Variants in RAD54L2 observed in about 807,000 individuals in gnomAD.
RAD54L2 encodes the protein RAD54 like 2, also known as helicase ARIP4.
A neutral mutation model predicts 138.4 loss-of-function variants in RAD54L2; 27 were observed. The ratio of observed to expected loss-of-function variants is 0.20; its 90% CI spans 0.14 to 0.27. The LOEUF (loss-of-function observed/expected upper bound fraction) is 0.27. Ranked by LOEUF, RAD54L2 falls within the 10% of genes least tolerant of loss-of-function variation. The pLI is 1.00. For synonymous variants in RAD54L2, 644 were observed against 723.2 expected (o/e 0.89, Z 1.76); for missense variants, 1,396 against 1,890.2 (o/e 0.74, Z 4.85).
intron 12 of RAD54L2, chr3:51,639,186 C>A: frequency 1.8e-6 from 1 of 543,650 alleles, no homozygotes; most frequent in Admixed American, 3.3e-5. Context: ...AACATACTTA[C>A]TGGCATGGCT....
At chr3:51,630,622 T>C (rs1226656972) in intron 6 of RAD54L2, 83 bp from the exon 7 acceptor site, 1 of 1,189,608 alleles carries the variant, frequency 8.4e-7, no homozygotes, top group African/African-American at 1.5e-5. Context: ...ACTTTAAGTT[T>C]CTGTAGTCTT....
intron 2 of RAD54L2, among the ~76,000 whole-genome samples, chr3:51,574,330 G>A (rs76931272): frequency 0.068 from 10,300 of 152,202 alleles, 905 homozygotes; most frequent in East Asian, 0.33. Context: ...CTTTATAGAA[G>A]CATGATTTAT....
chr3:51,583,189 G>A (rs1699645142), intron 2 of RAD54L2, among the ~76,000 whole-genome samples: 1 of 152,148 alleles, frequency 6.6e-6, no homozygotes, highest in Non-Finnish European at 1.5e-5. Context: ...TTGAAAATTT[G>A]AAGATGTCTG....
chr3:51,619,796 A>G (rs939111655), intron 3 of RAD54L2, among the ~76,000 whole-genome samples: 1 of 152,180 alleles, frequency 6.6e-6, no homozygotes, highest in African/African-American at 2.4e-5. Context: ...TGGCAGTCTA[A>G]CAGCTTAGTC....
chr3:51,606,420 G>C (rs1310069222), intron 3 of RAD54L2, among the ~76,000 whole-genome samples: 1 of 152,144 alleles, frequency 6.6e-6, no homozygotes, highest in East Asian at 1.9e-4. Flanking sequence ...CAGAATCCGT[G>C]ATGGACATGA....
intron 3 of RAD54L2, among the ~76,000 whole-genome samples, chr3:51,622,831 G>A: frequency 6.6e-6 from 1 of 152,214 alleles, no homozygotes; most frequent in East Asian, 1.9e-4. Flanking sequence ...CAGGAAAGTG[G>A]TTGTTGGGTT....
chr3:51,652,129 C>A (rs1701455197), intron 19 of RAD54L2, among the ~76,000 whole-genome samples: 1 of 152,134 alleles, frequency 6.6e-6, no homozygotes, highest in African/African-American at 2.4e-5. Flanking sequence ...CACAAGCATT[C>A]CTATACACCA....
chr3:51,573,831 G>T (rs1432191554), intron 2 of RAD54L2, among the ~76,000 whole-genome samples: 1 of 152,054 alleles, frequency 6.6e-6, no homozygotes, highest in Non-Finnish European at 1.5e-5. Flanking sequence ...TTGTCTTTTA[G>T]AAAGTTATTT....
intron 2 of RAD54L2, among the ~76,000 whole-genome samples, chr3:51,561,593 A>C (rs1577389272): frequency 1.4e-5 from 2 of 142,952 alleles, no homozygotes; most frequent in African/African-American, 2.6e-5. Flanking sequence ...ACAGAGTCTC[A>C]CTCTTTTGCC....
rs112825958 is a variant in RAD54L2 at position 51,662,198 on chromosome 3, G to A, written c.3410-228G>A. Among the ~76,000 whole-genome samples, 941 of 152,186 alleles carry A rather than the reference G, an allele frequency of 6.2e-3. 7 individuals are homozygous for A. Among genetic ancestry groups the A allele is most frequent in the African/African-American group, 0.021 (886 of 41,512 alleles). On this transcript the variant is annotated intron_variant, in intron 22 of 22. Coordinates refer to ENST00000684192, the MANE Select transcript of RAD54L2 (RefSeq NM_015106.4). This position sits in a 1 kb window ranked among gnomAD's most constrained non-coding sequence, Gnocchi z 4.6. ...ATTTTGGTATAGTTTTACAGTTTGG[G>A]GAACTGGGGTGCAGAAAAGTTACAT...
chr3:51,610,110 T>G (rs1700295297), intron 3 of RAD54L2, among the ~76,000 whole-genome samples: 1 of 151,946 alleles, frequency 6.6e-6, no homozygotes, highest in Admixed American at 6.6e-5. Flanking sequence ...CACTCCAGCC[T>G]GGGCAACAGA....
At chr3:51,640,092 C>G (rs1701091614) in intron 14 of RAD54L2, 93 bp downstream of exon 14, 1 of 895,630 alleles carries the variant, frequency 1.1e-6, no homozygotes, top group Non-Finnish European at 1.7e-6. Context: ...CCCGCCTCCC[C>G]CAAGTGCTAT....
chr3:51,547,642 C>T (rs1282580573), intron 2 of RAD54L2, among the ~76,000 whole-genome samples: 1 of 148,786 alleles, frequency 6.7e-6, no homozygotes, highest in Non-Finnish European at 1.5e-5. Flanking sequence ...AGTGCAGTGG[C>T]ATGATCTCAG....
chr3:51,646,500 A>G lies in RAD54L2; in HGVS notation c.3026+19A>G. 6.3e-7 allele frequency: 1 copy of G among 1,587,930 alleles called. No homozygotes were observed. Among genetic ancestry groups the G allele is most frequent in the Non-Finnish European group, 8.6e-7 (1 of 1,163,972 alleles). ...GAAACTGGTGAGTTGCTGAAAGGGG[A>G]GGGTCTGCTGCTGGGCCAGGCACAA... On this transcript the variant is annotated intron_variant, in intron 19 of 22. Coordinates refer to ENST00000684192, the MANE Select transcript of RAD54L2 (RefSeq NM_015106.4).
At chr3:51,540,633 A>G (rs1553671139) in intron 1 of RAD54L2, among the ~76,000 whole-genome samples, 2 of 151,888 alleles carry the variant, frequency 1.3e-5, no homozygotes, top group Non-Finnish European at 2.9e-5. Context: ...GCCTAACTGG[A>G]GTCTAGTATA....
intron 10 of RAD54L2, among the ~76,000 whole-genome samples, chr3:51,636,368 A>G (rs1700983603): frequency 6.6e-6 from 1 of 152,164 alleles, no homozygotes; most frequent in Non-Finnish European, 1.5e-5. Flanking sequence ...GTTTGCTTCT[A>G]TGGTAGAGCT....
intron 19 of RAD54L2, among the ~76,000 whole-genome samples, chr3:51,653,270 G>T (rs1701491686): frequency 6.6e-6 from 1 of 152,144 alleles, no homozygotes; most frequent in Admixed American, 6.6e-5. Flanking sequence ...TCATTAAAAA[G>T]TCAGGAAACA....
At chr3:51,643,096 G>A (rs547635857) in intron 15 of RAD54L2, among the ~76,000 whole-genome samples, 1 of 146,794 alleles carries the variant, frequency 6.8e-6, no homozygotes, top group South Asian at 2.1e-4. Context: ...GTGCAGTGGC[G>A]TGATCTTGGC....
Position 51,666,707 on chromosome 3 carries a change from A to G in RAD54L2, c.*3287A>G, listed in dbSNP as rs1289455353. ...ATCATTTTCTTTAGATTGGATATCTATGAAGTCCACACCCCTTTGAGTTAT... is the reference window on the plus strand; with the variant it reads ...ATCATTTTCTTTAGATTGGATATCTGTGAAGTCCACACCCCTTTGAGTTAT... On this transcript the variant is annotated 3_prime_UTR_variant, in exon 23 of 23. Transcript: ENST00000684192. 1.3e-5 allele frequency: 2 copies of G among 152,232 alleles called. No individual in the cohort carries two copies. The highest frequency in any genetic ancestry group is 4.8e-5 in the African/African-American group (2 of 41,460). 9.4% of individuals were successfully genotyped at this position (152,232 alleles called of 1,614,324 possible). A position where few individuals can be genotyped will look rare whatever the true frequency, so the allele number is the denominator to read the frequency against.
Sources: allele counts gnomAD v4.1 joint callset (sites outside exome capture counted in the v4.1 genomes callset), GRCh38; gene constraint gnomAD v4.1.1; non-coding constraint Gnocchi (gnomAD v3.1); transcripts MANE v1.5; gene names NCBI Gene and HGNC (gene_info 2026-07-23, HGNC 2026-07-21).